The following LPL variants were observed in gnomAD, a reference collection of about 807,000 sequenced individuals.
LPL encodes lipoprotein lipase.
Under a neutral mutation model 52.2 loss-of-function variants are expected in LPL, and 43 were observed. That is an observed-to-expected ratio of 0.82 (90% CI 0.64 to 1.06). The LOEUF is 1.06. Among genes scored for constraint, LPL ranks in the 50% least tolerant of loss-of-function variants. The pLI is 0.00. For missense variants in LPL, 639 were observed against 585.3 expected (o/e 1.09, Z -0.95); for synonymous variants, 244 against 215.6 (o/e 1.13, Z -1.15).
chr8:19,959,393 G>A lies in LPL; in HGVS notation c.1139+13G>A. Reference sequence around the variant, plus strand: ...TCCCATTCACTCTGTGAGTAGCACAGGGGGGCGGTCATCATGGCACCAGTC... The same window carrying A: ...TCCCATTCACTCTGTGAGTAGCACAAGGGGGCGGTCATCATGGCACCAGTC... On this transcript the variant is annotated intron_variant, in intron 7 of 9. Coordinates refer to ENST00000650287, the MANE Select transcript of LPL (RefSeq NM_000237.3). 6.2e-7 allele frequency: 1 copy of A among 1,613,808 alleles called. No homozygotes were observed. Among genetic ancestry groups the A allele is most frequent in the Non-Finnish European group, 8.5e-7 (1 of 1,179,908 alleles).
chr8:19,953,189 T>C, intron 3 of LPL, 121 bp from the exon 4 acceptor site: 3 of 682,988 alleles, frequency 4.4e-6, no homozygotes, highest in Admixed American at 4.3e-5. Context: ...AAAATTAAAA[T>C]AAGTAGAATT....
chr8:19,941,744 T>C (rs1366849684), intron 1 of LPL, among the ~76,000 whole-genome samples: 1 of 152,140 alleles, frequency 6.6e-6, no homozygotes, highest in Non-Finnish European at 1.5e-5. Context: ...AAGGTAAGAA[T>C]TTCAGGGAGA....
At chr8:19,940,182 G>A (rs1279683812) in intron 1 of LPL, among the ~76,000 whole-genome samples, 1 of 152,214 alleles carries the variant, frequency 6.6e-6, no homozygotes, top group African/African-American at 2.4e-5. Flanking sequence ...CACCCGCTCT[G>A]GGGAGCCCCG....
At chr8:19,954,400 C>T (rs2069964891) in intron 5 of LPL, 47 bp downstream of exon 5, 1 of 1,546,626 alleles carries the variant, frequency 6.5e-7, no homozygotes, top group South Asian at 1.1e-5. Context: ...TATCCTTAAC[C>T]CTTATTGACC....
intron 1 of LPL, among the ~76,000 whole-genome samples, chr8:19,946,338 G>A (rs1183141817): frequency 6.6e-6 from 1 of 152,044 alleles, no homozygotes; most frequent in African/African-American, 2.4e-5. Flanking sequence ...AGGTGTGTGT[G>A]CACGTGTGTG....
chr8:19,953,697 C>G (rs372176615), intron 4 of LPL, among the ~76,000 whole-genome samples: 14 of 140,376 alleles, frequency 1.0e-4, no homozygotes, highest in East Asian at 9.9e-4. Context: ...TCCTCCCACT[C>G]TCAGCTCTGT....
In LPL at chr8:19,944,566, C is replaced by T. The variant is rs1005193316; in HGVS notation, c.89-3614C>T. Among the ~76,000 whole-genome samples the T allele has an allele frequency of 2.6e-5, 4 of 152,172 alleles. No homozygotes were observed. The highest frequency in any genetic ancestry group is 6.5e-5 in the Admixed American group (1 of 15,270). The stretch of plus-strand genomic sequence containing the variant: ...ATTGCATAAATGTTCATCTTACTCA[C>T]GTGATGACTTTGATCTGCCTTTAAA... On this transcript the variant is annotated intron_variant, in intron 1 of 9. Transcript: ENST00000650287. The surrounding 1 kb of genome is among the most constrained non-coding windows in gnomAD (Gnocchi z 4.2).
intron 3 of LPL, among the ~76,000 whole-genome samples, chr8:19,952,831 G>C (rs2069947150): frequency 6.6e-6 from 1 of 152,064 alleles, no homozygotes; most frequent in Non-Finnish European, 1.5e-5. Context: ...AAGTGATACA[G>C]ATATTTAGAG....
chr8:19,964,621 C>T (rs58844409), intron 9 of LPL, among the ~76,000 whole-genome samples: 2 of 152,174 alleles, frequency 1.3e-5, no homozygotes, highest in East Asian at 1.9e-4. Context: ...CTCTGCCTCC[C>T]GGGTTCAAGT....
intron 1 of LPL, among the ~76,000 whole-genome samples, chr8:19,946,188 A>G (rs776236001): frequency 3.3e-5 from 5 of 152,182 alleles, no homozygotes; most frequent in Admixed American, 6.5e-5. Flanking sequence ...CTATATGCAA[A>G]TGAAAAGAGC....
At chr8:19,960,731 A>C (rs1255039375) in intron 7 of LPL, among the ~76,000 whole-genome samples, 170 bp from the exon 8 acceptor site, 1 of 152,266 alleles carries the variant, frequency 6.6e-6, no homozygotes, top group East Asian at 1.9e-4. Flanking sequence ...AATTTAAAAT[A>C]TACTAAATGC....
intron 9 of LPL, among the ~76,000 whole-genome samples, chr8:19,962,849 T>C (rs2070051864): frequency 6.6e-6 from 1 of 152,224 alleles, no homozygotes. Flanking sequence ...TTAGGGCTAA[T>C]CCATGTGGCA....
rs754858152 is a variant in LPL at position 19,951,822 on chromosome 8, G to A, written c.303G>A (p.Lys101=). 1.2e-6 allele frequency: 2 copies of A among 1,614,166 alleles called. No homozygotes were observed. The highest frequency in any genetic ancestry group is 8.5e-7 in the Non-Finnish European group (1 of 1,180,034). ...WVPKLVAALY[K]REPDSNVIVV... is the part of the protein sequence containing the mutation. ...CAAAACTTGTGGCCGCCCTGTACAA[G>A]AGAGAACCAGACTCCAATGTCATTG... The change falls in exon 3 of 10, where the codon AAG becomes AAA. Residue 101 remains lysine (K), a synonymous_variant. Transcript: ENST00000650287.
intron 2 of LPL, chr8:19,948,625 A>G (rs1379924470): frequency 2.5e-6 from 1 of 406,364 alleles, no homozygotes; most frequent in Non-Finnish European, 4.5e-6. Flanking sequence ...GCTACTGAGC[A>G]GAAGATAGGT....
In LPL at chr8:19,965,250, C is replaced by T. The variant is rs530207251; in HGVS notation, c.*-60C>T. ...CATCCTAAAACCAGTGGGGGACAGGCGGGAATTGTAAAACACTCAGAAGAT... is the reference window on the plus strand; with the variant it reads ...CATCCTAAAACCAGTGGGGGACAGGTGGGAATTGTAAAACACTCAGAAGAT... On this transcript the variant is annotated intron_variant, in intron 9 of 9. Coordinates refer to ENST00000650287, the MANE Select transcript of LPL (RefSeq NM_000237.3). 1.7e-5 allele frequency: 13 copies of T among 777,222 alleles called. No homozygotes were observed. The East Asian group carries it at 1.9e-4, about 12-fold the overall frequency. 48.1% of individuals were successfully genotyped at this position (777,222 alleles called of 1,614,324 possible).
intron 1 of LPL, among the ~76,000 whole-genome samples, chr8:19,941,806 A>C (rs1162852396): frequency 6.6e-6 from 1 of 152,120 alleles, no homozygotes; most frequent in Non-Finnish European, 1.5e-5. Context: ...TGGGCTCTTG[A>C]GTTTACTTAT....
intron 8 of LPL, among the ~76,000 whole-genome samples, chr8:19,961,702 CAAAAA>C (rs324): frequency 2.1e-5 from 3 of 142,642 alleles, no homozygotes; most frequent in Non-Finnish European, 3.1e-5. Context: ...AACAAACAAA[CAAAAA>C]AAAAAAGAAA....
At chr8:19,954,036 G>A (rs746147714) in intron 4 of LPL, 84 bp from the exon 5 acceptor site, 14 of 908,706 alleles carry the variant, frequency 1.5e-5, no homozygotes, top group Non-Finnish European at 2.6e-5. Context: ...AGCTGCCAGT[G>A]CATTCAAATG....
chr8:19,947,117 G>T (rs2069887879), intron 1 of LPL, among the ~76,000 whole-genome samples: 1 of 152,182 alleles, frequency 6.6e-6, no homozygotes, highest in African/African-American at 2.4e-5. Flanking sequence ...AGAACATTTT[G>T]AAGTATATCT....
Sources: allele counts gnomAD v4.1 joint callset (sites outside exome capture counted in the v4.1 genomes callset), GRCh38; gene constraint gnomAD v4.1.1; non-coding constraint Gnocchi (gnomAD v3.1); transcripts MANE v1.5; gene names NCBI Gene and HGNC (gene_info 2026-07-23, HGNC 2026-07-21).